PUDP: variants seen among roughly 807,000 people sequenced by gnomAD.
The protein encoded by PUDP is pseudouridine 5'-phosphatase, also known as pseudouridine-5'-phosphatase.
PUDP carries 8 observed loss-of-function variants against 9.4 expected under a neutral mutation model. The ratio of observed to expected loss-of-function variants is 0.85; its 90% CI spans 0.50 to 1.53. The LOEUF is 1.53. PUDP is among the 40% of genes most tolerant of loss of function. The pLI is 0.00. For synonymous variants in PUDP, 99 were observed against 80.7 expected (o/e 1.23, Z -1.22); for missense variants, 188 against 189.7 (o/e 0.99, Z 0.05).
chrX:7,018,296 C>T (rs1929580741), intron 1 of PUDP, among the ~76,000 whole-genome samples: 1 of 111,705 alleles, frequency 9.0e-6, no homozygotes, highest in East Asian at 2.8e-4. Context: ...GATCTGGACC[C>T]CTTTCCAGTA....
At chrX:6,978,111 G>A (rs751148499) in intron 2 of PUDP, among the ~76,000 whole-genome samples, 3 of 112,371 alleles carry the variant, frequency 2.7e-5, no homozygotes, top group African/African-American at 9.7e-5. Context: ...TGTAGGATTT[G>A]AACAAATTCC....
At chrX:6,828,527 A>G (rs754025896) in intron 3 of PUDP, among the ~76,000 whole-genome samples, 5 of 111,909 alleles carry the variant, frequency 4.5e-5, no homozygotes, top group Non-Finnish European at 3.8e-5. Flanking sequence ...ATTTGTTGTA[A>G]TCAATGACCT....
intron 3 of PUDP, among the ~76,000 whole-genome samples, chrX:6,774,172 C>T (rs757754490): frequency 8.9e-6 from 1 of 111,894 alleles, no homozygotes; most frequent in Non-Finnish European, 1.9e-5. Flanking sequence ...ATAAATGTGA[C>T]ACTCTCTGCC....
intron 2 of PUDP, among the ~76,000 whole-genome samples, chrX:7,082,554 C>T (rs756926456): frequency 8.9e-6 from 1 of 112,343 alleles, no homozygotes; most frequent in Non-Finnish European, 1.9e-5. Context: ...GAACCATGTC[C>T]TGGGCCTCAG....
chrX:6,888,076 G>A (rs1287419325), intron 3 of PUDP, among the ~76,000 whole-genome samples: 1 of 111,516 alleles, frequency 9.0e-6, no homozygotes, highest in Non-Finnish European at 1.9e-5. Context: ...TTTTGAGAGC[G>A]AGAACAATGA....
chrX:7,086,707 G>T (rs185287791), intron 2 of PUDP, among the ~76,000 whole-genome samples: 2 of 112,304 alleles, frequency 1.8e-5, no homozygotes, highest in Non-Finnish European at 3.8e-5. Context: ...TGCTGCTAGG[G>T]AGAGGGCCCT....
intron 3 of PUDP, among the ~76,000 whole-genome samples, chrX:7,060,690 C>G (rs940660002): frequency 7.1e-5 from 8 of 112,653 alleles, no homozygotes; most frequent in African/African-American, 2.6e-4. Flanking sequence ...GCATGACTCA[C>G]GTCAATGCAA....
intron 1 of PUDP, among the ~76,000 whole-genome samples, chrX:6,983,932 T>A (rs1325590898): frequency 8.9e-6 from 1 of 112,523 alleles, no homozygotes; most frequent in Non-Finnish European, 1.9e-5. Context: ...GGACCGTTGA[T>A]CCCCTATGCT....
intron 3 of PUDP, among the ~76,000 whole-genome samples, chrX:6,880,480 TCTTCC>T (rs1252480370): frequency 2.7e-5 from 3 of 112,016 alleles, no homozygotes; most frequent in Admixed American, 9.6e-5. Context: ...TGTCCAAATG[TCTTCC>T]CTTCAAATCT....
intron 1 of PUDP, among the ~76,000 whole-genome samples, chrX:7,121,788 A>C (rs139461681): frequency 0.042 from 4,732 of 111,608 alleles, 235 homozygotes; most frequent in African/African-American, 0.14. Context: ...TTGGGAGAAT[A>C]AATAACTGTT....
intron 1 of PUDP, among the ~76,000 whole-genome samples, chrX:6,708,017 G>C (rs958872133): frequency 9.0e-6 from 1 of 111,677 alleles, no homozygotes; most frequent in Non-Finnish European, 1.9e-5. Context: ...AGAAACTTGG[G>C]TGGGATTTCC....
intron 3 of PUDP, among the ~76,000 whole-genome samples, chrX:6,839,484 C>T (rs1046840045): frequency 1.1e-4 from 12 of 111,805 alleles, no homozygotes; most frequent in South Asian, 3.8e-4. Context: ...ACCACTCCCC[C>T]GACCATGATA....
intron 3 of PUDP, among the ~76,000 whole-genome samples, chrX:6,782,169 T>C (rs1925573313): frequency 1.8e-5 from 2 of 111,780 alleles, no homozygotes; most frequent in Admixed American, 9.5e-5. Context: ...CCTGGGTTCA[T>C]GCCAGGCCGG....
chrX:6,868,717 C>A (rs1447307146), intron 3 of PUDP, among the ~76,000 whole-genome samples: 1 of 112,056 alleles, frequency 8.9e-6, no homozygotes, highest in African/African-American at 3.2e-5. Context: ...GAGAACATCT[C>A]TGCAAAATTT....
chrX:7,027,114 A>G (rs1204860764), intron 1 of PUDP, among the ~76,000 whole-genome samples: 1 of 111,565 alleles, frequency 9.0e-6, no homozygotes, highest in Non-Finnish European at 1.9e-5. Context: ...CAAACCATGC[A>G]CACGTGTGAC....
chrX:7,074,486 T>A (rs1016201983), intron 3 of PUDP, among the ~76,000 whole-genome samples: 1 of 112,873 alleles, frequency 8.9e-6, no homozygotes, highest in African/African-American at 3.2e-5. Flanking sequence ...TTTAATTGCC[T>A]TAGCTATAGG....
intron 3 of PUDP, among the ~76,000 whole-genome samples, chrX:6,823,239 C>T (rs1044574085): frequency 3.6e-5 from 4 of 111,136 alleles, no homozygotes; most frequent in South Asian, 7.7e-4. Context: ...TCCTTTACCT[C>T]GATAGATATA....
intron 3 of PUDP, among the ~76,000 whole-genome samples, chrX:7,060,190 T>A (rs1930360478): frequency 8.9e-6 from 1 of 111,996 alleles, no homozygotes; most frequent in African/African-American, 3.3e-5. Context: ...TTTCTGGTTT[T>A]CACAGGGATG....
intron 2 of PUDP, among the ~76,000 whole-genome samples, chrX:7,091,102 T>C (rs1931408304): frequency 8.9e-6 from 1 of 111,828 alleles, no homozygotes; most frequent in African/African-American, 3.3e-5. Context: ...TTTATGATCG[T>C]CAGGAGCCTC....
Sources: allele counts gnomAD v4.1 joint callset (sites outside exome capture counted in the v4.1 genomes callset), GRCh38; gene constraint gnomAD v4.1.1; transcripts MANE v1.5; gene names NCBI Gene and HGNC (gene_info 2026-07-23, HGNC 2026-07-21).